RSBN1L: variants seen among roughly 807,000 people sequenced by gnomAD.
The protein encoded by RSBN1L is lysine-specific demethylase RSBN1L.
A neutral mutation model predicts 67.7 loss-of-function variants in RSBN1L; 30 were observed. The observed-to-expected ratio is 0.44, with a 90% CI of 0.33 to 0.60. RSBN1L has a LOEUF of 0.60. Among genes scored for constraint, RSBN1L ranks in the 20% least tolerant of loss-of-function variants. The pLI, the probability that RSBN1L is intolerant of heterozygous loss-of-function variation, is 0.02. For missense variants in RSBN1L, 992 were observed against 1,031.7 expected (o/e 0.96, Z 0.53); for synonymous variants, 433 against 387.0 (o/e 1.12, Z -1.39).
At chr7:77,768,589 ATAT>A (rs10538970) in intron 4 of RSBN1L, 69 bp from the exon 5 acceptor site, 662,186 of 1,329,496 alleles carry the variant, frequency 0.5, 172,112 homozygotes, top group African/African-American at 0.82. Flanking sequence ...CAGGGGAACA[ATAT>A]TATTATTAAC....
chr7:77,747,911 C>CCG (rs1791505764), intron 2 of RSBN1L, among the ~76,000 whole-genome samples: 1 of 148,314 alleles, frequency 6.7e-6, no homozygotes, highest in Non-Finnish European at 1.5e-5. Context: ...CTCAGCTTCT[C>CCG]GGGGGGGAGC....
At position 77,781,559 on chromosome 7, in the gene RSBN1L, A is replaced by T. The variant is rs1026970751; in HGVS notation, c.*2391A>T. ...GAAAATGTCTTTAGGGTATCCCTCC[A>T]AAATAGGAGCCTTAAACTTTTTAAC... On this transcript the variant is annotated 3_prime_UTR_variant, in exon 8 of 8. Transcript: ENST00000334955. The T allele has an allele frequency of 6.6e-6, 1 of 152,236 alleles. No individual in the cohort carries two copies. The highest frequency in any genetic ancestry group is 6.5e-5 in the Admixed American group (1 of 15,290). The allele number at this position is 152,236 out of a possible 1,614,324, so 9.4% of individuals were successfully genotyped here.
intron 1 of RSBN1L, among the ~76,000 whole-genome samples, chr7:77,705,428 C>T (rs1790878094): frequency 6.6e-6 from 1 of 151,084 alleles, no homozygotes; most frequent in Non-Finnish European, 1.5e-5. Context: ...AGGAGGCATA[C>T]AGTCTTTAGA....
rs143681591 is a variant in RSBN1L, at chr7:77,709,056, C to G, written c.586+12001C>G. On this transcript the variant is annotated intron_variant, in intron 1 of 7. Transcript: ENST00000334955. ...CTGAGTTTGAAATGTAGGCAGGTACCTTATATTAGAGTTTTGTTATCAGAT... is the reference window on the plus strand; with the variant it reads ...CTGAGTTTGAAATGTAGGCAGGTACGTTATATTAGAGTTTTGTTATCAGAT... 5.3e-3 allele frequency among the ~76,000 whole-genome samples: 807 copies of G among 151,844 alleles called. 11 individuals carry two copies. The highest frequency in any genetic ancestry group is 0.018 in the African/African-American group (747 of 41,382).
chr7:77,709,152 TTGTGTGTGTGTGTGTG>T (rs67322019), intron 1 of RSBN1L, among the ~76,000 whole-genome samples: 22 of 142,466 alleles, frequency 1.5e-4, no homozygotes, highest in South Asian at 2.3e-4. Flanking sequence ...GGGATTCTGT[TTGTGTGTGTGTGTGTG>T]TGTGTGTGTG....
rs1462686576 is a variant in RSBN1L, at chr7:77,697,078, G to C, written c.586+23G>C. The C allele has an allele frequency of 2.2e-6, 3 of 1,378,634 alleles. No individual in the cohort carries two copies. The African/African-American group carries it at 4.6e-5, about 21-fold the overall frequency. 85.4% of individuals were successfully genotyped at this position (1,378,634 alleles called of 1,614,324 possible). A position where few individuals can be genotyped will look rare whatever the true frequency, so the allele number is the denominator to read the frequency against. ...GAGGTGGGTGCCGTGCGGGGAGGGG[G>C]AGGGGAGGGCGCCGTGGGTCCCCGC... On this transcript the variant is annotated intron_variant, in intron 1 of 7. Coordinates refer to ENST00000334955, the MANE Select transcript of RSBN1L (RefSeq NM_198467.3).
Position 77,750,296 on chromosome 7 carries a change from G to GTTTTTTT in RSBN1L, c.1344+251_1344+257dup, listed in dbSNP as rs36054297. Among the ~76,000 whole-genome samples, 71 of 57,448 alleles carry GTTTTTTT rather than the reference G, an allele frequency of 1.2e-3. 6 individuals are homozygous for GTTTTTTT. The highest frequency in any genetic ancestry group is 2.3e-3 in the African/African-American group (34 of 14,476). 37.7% of individuals were successfully genotyped at this position (57,448 alleles called of 152,430 possible). A position where few individuals can be genotyped will look rare whatever the true frequency, so the allele number is the denominator to read the frequency against. ...ATTAATGAAATAATTAAGATTCTGT[G>GTTTTTTT]TTTTTTTTTTTTTTTTTTTTTTTTT... On this transcript the variant is annotated intron_variant, in intron 3 of 7. Transcript: ENST00000334955.
Position 77,781,110 on chromosome 7 carries a change from C to T in RSBN1L, c.*1942C>T, listed in dbSNP as rs1376926933. 1.3e-5 allele frequency: 2 copies of T among 152,148 alleles called. No individual in the cohort carries two copies. The highest frequency in any genetic ancestry group is 2.1e-4 in the South Asian group (1 of 4,832). The allele number at this position is 152,148 out of a possible 1,614,324, so 9.4% of individuals were successfully genotyped here. A position where few individuals can be genotyped will look rare whatever the true frequency, so the allele number is the denominator to read the frequency against. ...AAGCCATTTAGGAAGAAGCATTTCA[C>T]CAGAACAAGTAAAAGTTAATTGCAG... is the stretch of plus-strand genomic sequence containing the variant. On this transcript the variant is annotated 3_prime_UTR_variant, in exon 8 of 8. Transcript: ENST00000334955.
intron 1 of RSBN1L, among the ~76,000 whole-genome samples, chr7:77,718,565 C>T (rs1394844225): frequency 2.0e-5 from 3 of 152,128 alleles, no homozygotes; most frequent in Non-Finnish European, 2.9e-5. Context: ...TGCTAGATTA[C>T]AGGTGTGAGC....
chr7:77,763,020 T>C (rs2150430555), intron 3 of RSBN1L, among the ~76,000 whole-genome samples: 1 of 152,298 alleles, frequency 6.6e-6, no homozygotes, highest in South Asian at 2.1e-4. Flanking sequence ...ATGAACCAAC[T>C]CAGTGGCAAG....
rs373969071 is a variant in RSBN1L at position 77,718,205 on chromosome 7, A to C, written c.587-18205A>C. 3.3e-5 allele frequency among the ~76,000 whole-genome samples: 5 copies of C among 152,320 alleles called. No individual in the cohort carries two copies. The East Asian group carries it at 9.6e-4, about 29-fold the overall frequency. ...AATGTCACAGAAGTTATGGGAGGAA[A>C]TAATTTCAAGGCGTTTGATTGTGTT... On this transcript the variant is annotated intron_variant, in intron 1 of 7. Coordinates refer to ENST00000334955, the MANE Select transcript of RSBN1L (RefSeq NM_198467.3).
chr7:77,722,065 GTAT>G (rs1327441818), intron 1 of RSBN1L, among the ~76,000 whole-genome samples: 7 of 152,138 alleles, frequency 4.6e-5, no homozygotes, highest in Non-Finnish European at 1.0e-4. Flanking sequence ...GAAGAAAGAA[GTAT>G]TATTAGTGTT....
Position 77,778,335 on chromosome 7 carries a change from T to C in RSBN1L, c.1794-3T>C, listed in dbSNP as rs371716262. 83 of 1,586,748 alleles carry C rather than the reference T, an allele frequency of 5.2e-5. No homozygotes were observed. The highest frequency in any genetic ancestry group is 6.9e-5 in the Non-Finnish European group (81 of 1,168,894). Reference sequence around the variant, plus strand: ...ATTCTTGTTATCTCGTTTTCTTTTTTAGGCCTGATCAACCCCGTATAACCA... The same window carrying C: ...ATTCTTGTTATCTCGTTTTCTTTTTCAGGCCTGATCAACCCCGTATAACCA... On this transcript the variant is annotated splice_polypyrimidine_tract_variant and splice_region_variant and intron_variant, in intron 6 of 7. Transcript: ENST00000334955.
chr7:77,717,065 A>G (rs992086135), intron 1 of RSBN1L, among the ~76,000 whole-genome samples: 2 of 151,670 alleles, frequency 1.3e-5, no homozygotes, highest in African/African-American at 4.8e-5. Flanking sequence ...GCCTTAAGCT[A>G]TCTTCCCATC....
Position 77,749,500 on chromosome 7 carries a change from C to T in RSBN1L, c.780C>T (p.His260=), listed in dbSNP as rs1791525216. 6.2e-7 allele frequency: 1 copy of T among 1,603,064 alleles called. No individual in the cohort carries two copies. The highest frequency in any genetic ancestry group is 1.4e-5 in the African/African-American group (1 of 73,922). Residue 260 remains histidine, a synonymous_variant, in exon 3 of 8, where the codon CAC becomes CAT. Transcript: ENST00000334955. ...TAAAGAAGAAAAAGAAAAAGAAACA[C>T]AAAGAGAATGAAAAACGGAAGCGTC... ...KKVKKKKKKK[H]KENEKRKRPK...
At chr7:77,742,182 T>C (rs2009034) in intron 2 of RSBN1L, among the ~76,000 whole-genome samples, 27,714 of 77,250 alleles carry the variant, frequency 0.36, 5,023 homozygotes, top group African/African-American at 0.53. Context: ...AAAAAAAAAA[T>C]ACACACACAC....
chr7:77,778,883 T>G lies in RSBN1L; in HGVS notation c.2256T>G (p.Ile752Met), dbSNP rs935199526. The change falls in exon 8 of 8, where the codon ATT (isoleucine) becomes ATG (methionine). Residue 752 changes from isoleucine (I) to methionine (M), a missense_variant. Physicochemically the swap from Ile to Met is conservative, Grantham distance 10 (BLOSUM62 1). Around this residue, in one of 7 missense-constraint regions of RSBN1L, gnomAD observed 199 missense variants for 167.7 expected, o/e 1.19. Transcript: ENST00000334955. ...KLHSKYELQQIKHEPIASVRI... is the reference protein window; with the variant it reads ...KLHSKYELQQMKHEPIASVRI... ...ATTCTAAATATGAATTACAGCAGAT[T>G]AAACATGAACCTATTGCATCTGTAA... The G allele has an allele frequency of 1.2e-6, 2 of 1,614,008 alleles. No individual in the cohort carries two copies. Among genetic ancestry groups the G allele is most frequent in the Non-Finnish European group, 1.7e-6 (2 of 1,179,886 alleles).
chr7:77,749,878 T>G lies in RSBN1L; in HGVS notation c.1158T>G (p.Gly386=), dbSNP rs1214160176. 4 of 1,614,178 alleles carry G rather than the reference T, an allele frequency of 2.5e-6. No homozygotes were observed. The highest frequency in any genetic ancestry group is 3.4e-6 in the Non-Finnish European group (4 of 1,180,028). The change falls in exon 3 of 8, where the codon GGT becomes GGG. Residue 386 remains glycine (G), a synonymous_variant. Transcript: ENST00000334955. ...EMERFAEEFV[G]LVFSENENSA... Reference sequence around the variant, plus strand: ...AGAGGTTTGCAGAAGAGTTTGTGGGTCTAGTGTTCAGTGAAAATGAAAACT... The same window carrying G: ...AGAGGTTTGCAGAAGAGTTTGTGGGGCTAGTGTTCAGTGAAAATGAAAACT...
chr7:77,739,425 CAGGT>C (rs1359180524), intron 2 of RSBN1L, among the ~76,000 whole-genome samples: 1 of 151,860 alleles, frequency 6.6e-6, no homozygotes. Flanking sequence ...AAAATTGTGT[CAGGT>C]AGGCTGGGCG....
Sources: allele counts gnomAD v4.1 joint callset (sites outside exome capture counted in the v4.1 genomes callset), GRCh38; gene constraint gnomAD v4.1.1; regional missense constraint gnomAD v4.1.1; transcripts MANE v1.5; gene names NCBI Gene and HGNC (gene_info 2026-07-23, HGNC 2026-07-21).